The following AGMO variants were observed in gnomAD, a reference collection of about 807,000 sequenced individuals.
AGMO encodes the protein glyceryl-ether monooxygenase.
Under a neutral mutation model 60.2 loss-of-function variants are expected in AGMO, and 75 were observed. That is an observed-to-expected ratio of 1.25 (90% CI 1.03 to 1.51). The LOEUF (loss-of-function observed/expected upper bound fraction) is 1.51. AGMO is among the 40% of genes most tolerant of loss of function. The pLI, the probability that AGMO is intolerant of heterozygous loss-of-function variation, is 0.00. For synonymous variants in AGMO, 261 were observed against 177.1 expected, an observed-to-expected ratio of 1.47 and a Z score of -3.76; for missense variants, 763 against 525.5, an observed-to-expected ratio of 1.45 and a Z score of -4.42.
At chr7:15,318,571 T>C (rs73284581) in intron 12 of AGMO, among the ~76,000 whole-genome samples, 8,339 of 152,154 alleles carry the variant, frequency 0.055, 774 homozygotes, top group African/African-American at 0.19. Flanking sequence ...CTTGAGCATA[T>C]AGAAATTAAA....
the AGMO span, among the ~76,000 whole-genome samples, chr7:15,148,532 G>T: frequency 2.6e-5 from 4 of 151,814 alleles, no homozygotes; most frequent in Non-Finnish European, 5.9e-5. Flanking sequence ...CTCTCTTTAT[G>T]TTCATGTGTA....
At chr7:15,323,641 G>A (rs1433881601) in intron 12 of AGMO, among the ~76,000 whole-genome samples, 1 of 152,138 alleles carries the variant, frequency 6.6e-6, no homozygotes, top group Non-Finnish European at 1.5e-5. Flanking sequence ...ATTCTCATAT[G>A]ATTCCAAGCT....
intron 3 of AGMO, among the ~76,000 whole-genome samples, chr7:15,495,667 A>G (rs544107522): frequency 6.6e-6 from 1 of 152,248 alleles, no homozygotes; most frequent in East Asian, 1.9e-4. Context: ...AACAAGTGAC[A>G]TTTATTTCTC....
At chr7:15,147,181 G>A in the AGMO span, among the ~76,000 whole-genome samples, 3 of 151,996 alleles carry the variant, frequency 2.0e-5, no homozygotes, top group African/African-American at 7.3e-5. Flanking sequence ...GAAGTGGGAG[G>A]GGCAGTCAAT....
At chr7:15,275,412 T>C (rs1226557742) in intron 12 of AGMO, among the ~76,000 whole-genome samples, 1 of 152,174 alleles carries the variant, frequency 6.6e-6, no homozygotes, top group Non-Finnish European at 1.5e-5. Context: ...ACATTTGATA[T>C]AATTTCAGTT....
chr7:15,201,176 G>T lies in AGMO; in HGVS notation c.*109C>A. The T allele has an allele frequency of 1.7e-6, 1 of 597,072 alleles. No homozygotes were observed. The highest frequency in any genetic ancestry group is 2.7e-6 in the Non-Finnish European group (1 of 372,190). 37.0% of individuals were successfully genotyped at this position (597,072 alleles called of 1,614,324 possible). On this transcript the variant is annotated 3_prime_UTR_variant, in exon 13 of 13. Transcript: ENST00000342526. ...TAAATAAGTAATTTTACTTTTCATT[G>T]AAGAAATAGTTCATATAAGCATTAC...
At chr7:15,312,001 T>A (rs1474500465) in intron 12 of AGMO, among the ~76,000 whole-genome samples, 1 of 151,998 alleles carries the variant, frequency 6.6e-6, no homozygotes, top group Non-Finnish European at 1.5e-5. Flanking sequence ...AAGAAAGCAT[T>A]TGTGAGCTGT....
chr7:15,120,562 C>T, the AGMO span, among the ~76,000 whole-genome samples: 1 of 152,170 alleles, frequency 6.6e-6, no homozygotes, highest in East Asian at 1.9e-4. Flanking sequence ...CTCCTTCTCT[C>T]CACCCTGTGA....
At chr7:15,485,516 T>C (rs544843609) in intron 3 of AGMO, among the ~76,000 whole-genome samples, 1 of 152,094 alleles carries the variant, frequency 6.6e-6, no homozygotes, top group Non-Finnish European at 1.5e-5. Flanking sequence ...TCAGATGAGG[T>C]CTCTGGGGTG....
At chr7:15,495,923 G>A (rs539473237) in intron 3 of AGMO, among the ~76,000 whole-genome samples, 9 of 151,210 alleles carry the variant, frequency 6.0e-5, no homozygotes, top group Admixed American at 5.9e-4. Context: ...TCTTATAAGG[G>A]CACAAAATTC....
chr7:15,364,756 A>G (rs1183049458), intron 12 of AGMO, among the ~76,000 whole-genome samples: 1 of 152,064 alleles, frequency 6.6e-6, no homozygotes, highest in Non-Finnish European at 1.5e-5. Flanking sequence ...AAGTGTATAT[A>G]CTGGGTTTTT....
chr7:15,360,437 A>T (rs1782704713), intron 12 of AGMO, among the ~76,000 whole-genome samples: 1 of 152,226 alleles, frequency 6.6e-6, no homozygotes, highest in Non-Finnish European at 1.5e-5. Flanking sequence ...ACAGACGATT[A>T]ACACATATTC....
At chr7:15,309,997 TATATC>T (rs1472545285) in intron 12 of AGMO, among the ~76,000 whole-genome samples, 1 of 152,102 alleles carries the variant, frequency 6.6e-6, no homozygotes, top group African/African-American at 2.4e-5. Context: ...GATGAAAAAA[TATATC>T]ATATTCTGTC....
rs568366118 is a variant in AGMO at position 15,303,608 on chromosome 7, T to C, written c.1263+61906A>G. On this transcript the variant is annotated intron_variant, in intron 12 of 12. Transcript: ENST00000342526. ...GATGACCTCGGCTGTTTAACTGCAA[T>C]GTGTGTTTCTTGTTAGAAAAAGTGA... Among the ~76,000 whole-genome samples, 5 of 152,176 alleles carry C rather than the reference T, an allele frequency of 3.3e-5. No individual in the cohort carries two copies. The South Asian group carries it at 1.0e-3, about 32-fold the overall frequency.
At position 15,343,039 on chromosome 7, in the gene AGMO, CTAA is replaced by C. The variant is rs140281835; in HGVS notation, c.1263+22472_1263+22474del. 3.4e-4 allele frequency among the ~76,000 whole-genome samples: 51 copies of C among 151,972 alleles called. No homozygotes were observed. The East Asian group carries it at 7.2e-3, about 21-fold the overall frequency. On this transcript the variant is annotated intron_variant, in intron 12 of 12. Transcript: ENST00000342526. ...TTTCTGACAGTATCTGAAAAGGTAC[CTAA>C]TATTATACAAGTGGAAAACCTTAAG...
At chr7:15,291,877 G>A (rs1784273801) in intron 12 of AGMO, among the ~76,000 whole-genome samples, 3 of 152,144 alleles carry the variant, frequency 2.0e-5, no homozygotes, top group Admixed American at 2.0e-4. Flanking sequence ...GAGAAGAAAG[G>A]GAATAGCATT....
intron 10 of AGMO, among the ~76,000 whole-genome samples, chr7:15,382,007 C>T (rs1226332267): frequency 6.6e-6 from 1 of 152,038 alleles, no homozygotes; most frequent in Non-Finnish European, 1.5e-5. Flanking sequence ...GAACAACACA[C>T]ACTGGGGTCT....
intron 8 of AGMO, among the ~76,000 whole-genome samples, chr7:15,390,293 A>G (rs920825747): frequency 6.6e-6 from 1 of 152,184 alleles, no homozygotes; most frequent in African/African-American, 2.4e-5. Flanking sequence ...ATGAATTTCT[A>G]ACCAGAGTCA....
At chr7:15,166,708 T>C in the AGMO span, among the ~76,000 whole-genome samples, 19 of 152,174 alleles carry the variant, frequency 1.2e-4, no homozygotes, top group Non-Finnish European at 1.9e-4. Flanking sequence ...GTGAAGGTGA[T>C]GAGTGGTCAC....
Sources: gnomAD v4.1 joint callset for allele counts (sites outside exome capture counted in the v4.1 genomes callset) on GRCh38, gnomAD v4.1.1 for gene constraint, MANE v1.5 for transcripts, NCBI Gene and HGNC (gene_info 2026-07-23, HGNC 2026-07-21) for gene names.